ZNRF1: variants seen among roughly 807,000 people sequenced by gnomAD.
The protein encoded by ZNRF1 is E3 ubiquitin-protein ligase ZNRF1.
Under a neutral mutation model 18.4 loss-of-function variants are expected in ZNRF1, and 3 were observed. That is an observed-to-expected ratio of 0.16 (90% CI 0.07 to 0.42). The LOEUF is 0.42. Among genes scored for constraint, ZNRF1 ranks in the 10% least tolerant of loss-of-function variants. The probability of loss-of-function intolerance (pLI) is 0.99; values close to 1 mark genes in which losing one functional copy is unlikely to be tolerated. For synonymous variants in ZNRF1, 157 were observed against 144.2 expected, an observed-to-expected ratio of 1.09 and a Z score of -0.64; for missense variants, 310 against 329.8, an observed-to-expected ratio of 0.94 and a Z score of 0.47.
chr16:75,053,690 C>T (rs576116622), intron 1 of ZNRF1, among the ~76,000 whole-genome samples: 1 of 151,994 alleles, frequency 6.6e-6, no homozygotes, highest in East Asian at 1.9e-4. Context: ...GTGCCCCATG[C>T]TGTAAAACAC....
At chr16:75,076,480 T>G (rs957093380) in intron 1 of ZNRF1, among the ~76,000 whole-genome samples, 41 of 152,142 alleles carry the variant, frequency 2.7e-4, no homozygotes, top group African/African-American at 9.1e-4. Flanking sequence ...ATCCCTTCAC[T>G]GAGGGGAGAA....
chr16:75,071,618 C>T (rs756126132), intron 1 of ZNRF1, among the ~76,000 whole-genome samples: 1 of 152,186 alleles, frequency 6.6e-6, no homozygotes, highest in Non-Finnish European at 1.5e-5. Flanking sequence ...TGGGTCAGAA[C>T]AGTCCCAGGC....
At chr16:75,056,847 G>C (rs1313172002) in intron 1 of ZNRF1, among the ~76,000 whole-genome samples, 1 of 152,108 alleles carries the variant, frequency 6.6e-6, no homozygotes, top group Admixed American at 6.6e-5. Flanking sequence ...ATGTTGGCCA[G>C]GCTGGTTTTG....
At chr16:75,075,906 G>A (rs1319935011) in intron 1 of ZNRF1, among the ~76,000 whole-genome samples, 21 of 152,228 alleles carry the variant, frequency 1.4e-4, no homozygotes. Context: ...CATTGGAGAT[G>A]CTTCATTGGA....
chr16:75,014,005 A>T lies in ZNRF1; in HGVS notation c.424+13910A>T, dbSNP rs937348448. Among the ~76,000 whole-genome samples, 10 of 151,556 alleles carry T rather than the reference A, an allele frequency of 6.6e-5. 1 individual carries two copies. The highest frequency in any genetic ancestry group is 5.9e-4 in the Admixed American group (9 of 15,208). The stretch of plus-strand genomic sequence containing the variant: ...CCACCACACCCGACTAATTTTTTGT[A>T]TTTTTAGTAGAGGCCGTGTTTCACC... On this transcript the variant is annotated intron_variant, in intron 1 of 4. Transcript: ENST00000335325.
intron 1 of ZNRF1, among the ~76,000 whole-genome samples, chr16:75,061,751 C>T (rs559549115): frequency 2.9e-4 from 44 of 152,258 alleles, no homozygotes; most frequent in African/African-American, 1.0e-3. Flanking sequence ...TCAATTGATC[C>T]CTACACCACA....
intron 1 of ZNRF1, among the ~76,000 whole-genome samples, chr16:75,036,360 A>C (rs931789858): frequency 6.6e-6 from 1 of 152,026 alleles, no homozygotes; most frequent in Non-Finnish European, 1.5e-5. Flanking sequence ...TGAACTCCTG[A>C]ACCTCAAGTG....
chr16:75,027,186 G>A (rs148635305), intron 1 of ZNRF1, among the ~76,000 whole-genome samples: 1,711 of 151,632 alleles, frequency 0.011, 22 homozygotes, highest in African/African-American at 0.038. Context: ...CAGGAGGATT[G>A]CATGAGCCCA....
At chr16:75,077,168 G>A (rs761976737) in intron 1 of ZNRF1, among the ~76,000 whole-genome samples, 1 of 152,168 alleles carries the variant, frequency 6.6e-6, no homozygotes, top group Non-Finnish European at 1.5e-5. Flanking sequence ...CAAGGTGGGC[G>A]GACCACGAGG....
intron 1 of ZNRF1, among the ~76,000 whole-genome samples, chr16:75,074,719 TA>T (rs1335527573): frequency 3.9e-5 from 6 of 152,192 alleles, no homozygotes; most frequent in Admixed American, 3.9e-4. Flanking sequence ...GGGTGATGAG[TA>T]CCTGGGAGCT....
chr16:75,032,890 G>A (rs888208566), intron 1 of ZNRF1, among the ~76,000 whole-genome samples: 2 of 152,096 alleles, frequency 1.3e-5, no homozygotes, highest in African/African-American at 2.4e-5. Flanking sequence ...GTATATGCCT[G>A]TAGTCCCAGC....
At chr16:75,061,797 T>G (rs6564201) in intron 1 of ZNRF1, among the ~76,000 whole-genome samples, 3 of 152,150 alleles carry the variant, frequency 2.0e-5, no homozygotes, top group Admixed American at 6.5e-5. Context: ...CTTAACACAA[T>G]GAGTCGTCTT....
chr16:75,042,976 G>C (rs2035469052), intron 1 of ZNRF1, among the ~76,000 whole-genome samples: 1 of 152,204 alleles, frequency 6.6e-6, no homozygotes, highest in African/African-American at 2.4e-5. Flanking sequence ...CTCCGGGACG[G>C]TAAAGATGAC....
intron 2 of ZNRF1, among the ~76,000 whole-genome samples, chr16:75,095,978 G>A (rs1249891211): frequency 6.6e-6 from 1 of 151,868 alleles, no homozygotes; most frequent in Non-Finnish European, 1.5e-5. Context: ...TGCTCCTCTG[G>A]TTCTGGTTCT....
intron 2 of ZNRF1, among the ~76,000 whole-genome samples, chr16:75,096,061 C>CTGTGT (rs2036195611): frequency 2.1e-5 from 3 of 139,644 alleles, no homozygotes; most frequent in Admixed American, 7.2e-5. Flanking sequence ...TATGTGTGCA[C>CTGTGT]GTGTGTGTGT....
At chr16:75,049,845 T>TTGTGTGTGTGTGTG (rs56377786) in intron 1 of ZNRF1, among the ~76,000 whole-genome samples, 2,589 of 149,336 alleles carry the variant, frequency 0.017, 62 homozygotes, top group African/African-American at 0.05. Context: ...ATGCACCCAT[T>TTGTGTGTGTGTGTG]TGTGTGTGTG....
At chr16:75,060,297 C>T (rs2035725693) in intron 1 of ZNRF1, among the ~76,000 whole-genome samples, 1 of 151,952 alleles carries the variant, frequency 6.6e-6, no homozygotes, top group Non-Finnish European at 1.5e-5. Context: ...TGTGATCCGC[C>T]CATCTTGCCT....
intron 2 of ZNRF1, chr16:75,104,535 G>C: frequency 3.0e-6 from 1 of 335,254 alleles, no homozygotes; most frequent in Non-Finnish European, 5.6e-6. Flanking sequence ...TGTCACCTAG[G>C]CTTTTGGTTA....
chr16:75,096,039 CATGT>C (rs2036194356), intron 2 of ZNRF1, among the ~76,000 whole-genome samples: 1 of 136,346 alleles, frequency 7.3e-6, no homozygotes, highest in Admixed American at 7.6e-5. Flanking sequence ...CTCAAGGGTG[CATGT>C]GTTTCTGTAT....
Sources: gnomAD v4.1 joint callset for allele counts (sites outside exome capture counted in the v4.1 genomes callset) on GRCh38, gnomAD v4.1.1 for gene constraint, MANE v1.5 for transcripts, NCBI Gene and HGNC (gene_info 2026-07-23, HGNC 2026-07-21) for gene names.